Variants in DLGAP1 observed in about 807,000 individuals in gnomAD.
The protein encoded by DLGAP1 is DLG associated protein 1, also known as disks large-associated protein 1.
A neutral mutation model predicts 90.8 loss-of-function variants in DLGAP1; 11 were observed. The observed-to-expected ratio is 0.12, with a 90% CI of 0.08 to 0.20. The LOEUF (loss-of-function observed/expected upper bound fraction) is 0.20. Among genes scored for constraint, DLGAP1 ranks in the 10% least tolerant of loss-of-function variants. The pLI is 1.00. For synonymous variants in DLGAP1, 558 were observed against 540.7 expected (o/e 1.03, Z -0.44); for missense variants, 1,050 against 1,333.8 (o/e 0.79, Z 3.31).
chr18:4,163,348 CA>C (rs1272033147), intron 1 of DLGAP1, among the ~76,000 whole-genome samples: 1 of 152,158 alleles, frequency 6.6e-6, no homozygotes, highest in Non-Finnish European at 1.5e-5. Context: ...ATGAGCTTAG[CA>C]ATCGTAGTTG....
At chr18:3,546,269 T>A (rs2053007927) in intron 9 of DLGAP1, among the ~76,000 whole-genome samples, 1 of 151,934 alleles carries the variant, frequency 6.6e-6, no homozygotes, top group African/African-American at 2.4e-5. Context: ...CAAAAATTAG[T>A]CGAGCATGGT....
At chr18:4,427,701 C>T (rs1384888066) in intron 1 of DLGAP1, among the ~76,000 whole-genome samples, 1 of 152,120 alleles carries the variant, frequency 6.6e-6, no homozygotes, top group East Asian at 1.9e-4. Flanking sequence ...TGTCTGTCAT[C>T]CATTATTTTG....
At chr18:4,157,462 T>G (rs1474592170) in intron 1 of DLGAP1, among the ~76,000 whole-genome samples, 1 of 152,230 alleles carries the variant, frequency 6.6e-6, no homozygotes, top group Non-Finnish European at 1.5e-5. Flanking sequence ...GTTTCCACTT[T>G]CTTTGCAAAT....
At chr18:4,066,175 G>T (rs185402206) in intron 2 of DLGAP1, among the ~76,000 whole-genome samples, 2,154 of 152,134 alleles carry the variant, frequency 0.014, 30 homozygotes, top group Non-Finnish European at 0.024. Flanking sequence ...ATGGATTAAG[G>T]ATTTAAATGT....
chr18:3,830,482 C>T (rs1024270779), intron 4 of DLGAP1, among the ~76,000 whole-genome samples: 4 of 152,210 alleles, frequency 2.6e-5, no homozygotes, highest in African/African-American at 9.6e-5. Flanking sequence ...AGAAGAATAC[C>T]TTGAACCCGG....
intron 1 of DLGAP1, among the ~76,000 whole-genome samples, chr18:4,391,389 T>C (rs2082337186): frequency 6.6e-6 from 1 of 152,206 alleles, no homozygotes; most frequent in South Asian, 2.1e-4. Context: ...TCTTAATTTC[T>C]AGCATCTCAA....
chr18:3,628,661 A>G (rs1209429187), intron 7 of DLGAP1, among the ~76,000 whole-genome samples: 1 of 152,186 alleles, frequency 6.6e-6, no homozygotes, highest in African/African-American at 2.4e-5. Context: ...TCTTGCCTTT[A>G]GTATTTCTGC....
At chr18:4,015,838 T>A (rs371737187) in intron 2 of DLGAP1, among the ~76,000 whole-genome samples, 2 of 152,218 alleles carry the variant, frequency 1.3e-5, no homozygotes, top group African/African-American at 4.8e-5. Context: ...TACTAATTTT[T>A]ATTTATATCT....
intron 1 of DLGAP1, chr18:4,280,665 G>A (rs2079527571): frequency 6.6e-6 from 1 of 152,132 alleles, no homozygotes; most frequent in African/African-American, 2.4e-5. Context: ...CTTTTCTACA[G>A]TCTGATAAAA....
intron 7 of DLGAP1, chr18:3,604,215 G>A (rs1046689609): frequency 6.6e-6 from 1 of 152,294 alleles, no homozygotes; most frequent in African/African-American, 2.4e-5. Context: ...TGAAGCATCA[G>A]GTGAGTCTGA....
intron 2 of DLGAP1, among the ~76,000 whole-genome samples, chr18:4,061,328 T>A (rs988576534): frequency 3.3e-5 from 5 of 152,080 alleles, no homozygotes; most frequent in African/African-American, 1.2e-4. Flanking sequence ...TTAAGTTAGA[T>A]AGGATAAAGC....
intron 1 of DLGAP1, among the ~76,000 whole-genome samples, chr18:4,176,271 A>G (rs2077105635): frequency 1.3e-5 from 2 of 152,252 alleles, no homozygotes; most frequent in Admixed American, 1.3e-4. Context: ...GTGACTAATC[A>G]TCATTTCCAA....
intron 1 of DLGAP1, among the ~76,000 whole-genome samples, chr18:4,363,582 A>G (rs988161755): frequency 5.9e-5 from 9 of 152,318 alleles, no homozygotes; most frequent in African/African-American, 2.2e-4. Context: ...AACCCCATCA[A>G]AAAGTGGGCG....
Position 4,084,355 on chromosome 18 carries a change from G to A in DLGAP1, c.-159+66825C>T, listed in dbSNP as rs142764863. ...TAACTCATTTAACAATCTTTCCATT[G>A]TTAAAAATTTAGATTTGTTTTCGAC... On this transcript the variant is annotated intron_variant, in intron 2 of 12. Coordinates refer to ENST00000315677, the MANE Select transcript of DLGAP1 (RefSeq NM_004746.4). This position sits in a 1 kb window ranked among gnomAD's most constrained non-coding sequence, Gnocchi z 4.0. Among the ~76,000 whole-genome samples the A allele has an allele frequency of 2.6e-4, 40 of 152,206 alleles. No homozygotes were observed. The highest frequency in any genetic ancestry group is 9.2e-4 in the African/African-American group (38 of 41,510).
chr18:3,503,843 C>G (rs1389345872), intron 11 of DLGAP1, among the ~76,000 whole-genome samples: 2 of 152,198 alleles, frequency 1.3e-5, no homozygotes, highest in African/African-American at 4.8e-5. Flanking sequence ...TGCCTGTAAT[C>G]CCAGCACTTT....
chr18:4,115,526 C>A (rs1396904652), intron 2 of DLGAP1, among the ~76,000 whole-genome samples: 2 of 151,730 alleles, frequency 1.3e-5, no homozygotes, highest in Non-Finnish European at 2.9e-5. Context: ...TGCTCTGTTG[C>A]CCAGGCTGGA....
intron 1 of DLGAP1, among the ~76,000 whole-genome samples, chr18:4,209,511 C>A (rs2077796325): frequency 6.6e-6 from 1 of 152,086 alleles, no homozygotes; most frequent in African/African-American, 2.4e-5. Context: ...GAAACGGATA[C>A]AGCTATCACG....
chr18:3,646,910 G>A (rs1219668156), intron 7 of DLGAP1, among the ~76,000 whole-genome samples: 1 of 148,806 alleles, frequency 6.7e-6, no homozygotes, highest in Admixed American at 6.7e-5. Context: ...GGGCAACAGG[G>A]CGAGACTCCA....
Position 4,315,663 on chromosome 18 carries a change from T to C in DLGAP1, c.-267+139343A>G, listed in dbSNP as rs576452178. ...TCAATTAATTTTGAAATACAGTGTTTTGCAAACTTAAACTAATGAAAGCTA... is the reference window on the plus strand; with the variant it reads ...TCAATTAATTTTGAAATACAGTGTTCTGCAAACTTAAACTAATGAAAGCTA... On this transcript the variant is annotated intron_variant, in intron 1 of 12. Transcript: ENST00000315677. 5.3e-5 allele frequency among the ~76,000 whole-genome samples: 8 copies of C among 152,344 alleles called. No homozygotes were observed. The East Asian group carries it at 1.3e-3, about 26-fold the overall frequency.
Sources: allele counts gnomAD v4.1 joint callset (sites outside exome capture counted in the v4.1 genomes callset), GRCh38; gene constraint gnomAD v4.1.1; non-coding constraint Gnocchi (gnomAD v3.1); transcripts MANE v1.5; gene names NCBI Gene and HGNC (gene_info 2026-07-23, HGNC 2026-07-21).